Variants in ZNF677 observed in about 807,000 individuals in gnomAD.
ZNF677 encodes the protein hypothetical protein MGC48625.
Under a neutral mutation model 8.1 loss-of-function variants are expected in ZNF677, and 5 were observed. The ratio of observed to expected loss-of-function variants is 0.62; its 90% CI spans 0.32 to 1.29. ZNF677 has a LOEUF of 1.29. Ranked by LOEUF, ZNF677 falls within the 50% of genes most tolerant of loss-of-function variation. The probability of loss-of-function intolerance (pLI) is 0.05; values close to 1 mark genes in which losing one functional copy is unlikely to be tolerated. For missense variants in ZNF677, 685 were observed against 685.9 expected (o/e 1.00, Z 0.01); for synonymous variants, 221 against 225.6 (o/e 0.98, Z 0.18).
Position 53,251,753 on chromosome 19 carries a change from T to G in ZNF677, c.-55-148A>C, listed in dbSNP as rs1455601752. The stretch of plus-strand genomic sequence containing the variant: ...AGTGAAAATAAACTCATGAAAAAAA[T>G]TAACTCCTAAACAGAGACTAAGGAG... On this transcript the variant is annotated intron_variant, in intron 2 of 4. Coordinates refer to ENST00000598513, the MANE Select transcript of ZNF677 (RefSeq NM_182609.4). 3 of 596,876 alleles carry G rather than the reference T, an allele frequency of 5.0e-6. No individual in the cohort carries two copies. In the African/African-American group the frequency reaches 5.7e-5, roughly 11 times the overall value. The allele number at this position is 596,876 out of a possible 1,614,324, so 37.0% of individuals were successfully genotyped here.
chr19:53,249,501 A>T (rs906149607), intron 3 of ZNF677: 2 of 152,222 alleles, frequency 1.3e-5, no homozygotes, highest in Non-Finnish European at 2.9e-5. Flanking sequence ...CAAAACAAAG[A>T]CATACAGTAT....
chr19:53,238,725 A>G (rs1033721441), intron 4 of ZNF677, 168 bp from the exon 5 acceptor site: 3 of 546,166 alleles, frequency 5.5e-6, no homozygotes, highest in Admixed American at 3.8e-5. Flanking sequence ...GCTGTCCTCA[A>G]TAAAGTAACA....
Position 53,236,958 on chromosome 19 carries a change from T to C in ZNF677, c.*14A>G. ...CGTTTTATATGGTTTCTTTTCACAA[T>C]GGAGCCCCTGATGCTAGGTACAGCT... On this transcript the variant is annotated 3_prime_UTR_variant, in exon 5 of 5. Transcript: ENST00000598513. The C allele has an allele frequency of 3.3e-6, 5 of 1,525,030 alleles. No individual in the cohort carries two copies. Among genetic ancestry groups the C allele is most frequent in the Non-Finnish European group, 4.4e-6 (5 of 1,143,716 alleles). The allele number at this position is 1,525,030 out of a possible 1,614,324, so 94.5% of individuals were successfully genotyped here. A position where few individuals can be genotyped will look rare whatever the true frequency, so the allele number is the denominator to read the frequency against.
At chr19:53,246,374 T>C (rs373638660) in intron 3 of ZNF677, among the ~76,000 whole-genome samples, 4 of 151,336 alleles carry the variant, frequency 2.6e-5, no homozygotes, top group African/African-American at 9.7e-5. Flanking sequence ...TCCAAAAGAA[T>C]TAAAATCAGG....
At chr19:53,242,794 A>T (rs2091074510) in intron 4 of ZNF677, 1 of 172,764 alleles carries the variant, frequency 5.8e-6, no homozygotes, top group Non-Finnish European at 1.2e-5. Flanking sequence ...CACACATCAG[A>T]TGAAATTATA....
In ZNF677 at chr19:53,247,541, T is replaced by C. The variant is rs540307859; in HGVS notation, c.16-3644A>G. ...GTGTTGCTCAAGCCCTTTATTTCCT[T>C]ACTAATCTTCTGTCTGGCTGTTCTA... is the stretch of plus-strand genomic sequence containing the variant. On this transcript the variant is annotated intron_variant, in intron 3 of 4. Coordinates refer to ENST00000598513, the MANE Select transcript of ZNF677 (RefSeq NM_182609.4). Among the ~76,000 whole-genome samples the C allele has an allele frequency of 2.9e-3, 436 of 152,350 alleles. 5 individuals carry two copies. Among genetic ancestry groups the C allele is most frequent in the African/African-American group, 0.01 (422 of 41,582 alleles).
rs1231211003 is a variant in ZNF677 at position 53,237,459 on chromosome 19, T to C, written c.1268A>G (p.Asn423Ser). ...GTGTGGTTTCTCTCCAGGATGTATA[T>C]TCTGATGCCTAGTGAGATGTGAGCA... Reference protein sequence around the residue: ...KQCSHLTRHQNIHPGEKPHKC... With the variant: ...KQCSHLTRHQSIHPGEKPHKC... The change falls in exon 5 of 5, where the codon AAT (asparagine) becomes AGT (serine). Residue 423 changes from asparagine to serine, a missense_variant. Coordinates refer to ENST00000598513, the MANE Select transcript of ZNF677 (RefSeq NM_182609.4). The C allele has an allele frequency of 6.2e-7, 1 of 1,613,984 alleles. No homozygotes were observed. Among genetic ancestry groups the C allele is most frequent in the Non-Finnish European group, 8.5e-7 (1 of 1,179,962 alleles).
At chr19:53,246,928 A>G (rs1415444002) in intron 3 of ZNF677, among the ~76,000 whole-genome samples, 2 of 152,290 alleles carry the variant, frequency 1.3e-5, no homozygotes, top group East Asian at 1.9e-4. Context: ...GAGGCAATGG[A>G]TATGTTTATG....
Position 53,237,428 on chromosome 19 carries a change from AC to A in ZNF677, c.1298del (p.Cys433LeufsTer180), listed in dbSNP as rs1437921295. ...GGATAAAAGCCCTGCCACACACATT[AC>A]ATTTGTGTGGTTTCTCTCCAGGATG... is the stretch of plus-strand genomic sequence containing the variant. The part of the protein sequence containing the change: ...NIHPGEKPHK[C>X]NVCGRAFIQS... On this transcript the variant is annotated frameshift_variant, in exon 5 of 5. Transcript: ENST00000598513. LOFTEE classifies it low-confidence loss of function (END_TRUNC). 2 of 1,613,996 alleles carry A rather than the reference AC, an allele frequency of 1.2e-6. No individual in the cohort carries two copies. Among genetic ancestry groups the A allele is most frequent in the Middle Eastern group, 3.3e-4 (2 of 6,060 alleles).
chr19:53,238,655 A>G (rs951250201), intron 4 of ZNF677, 98 bp from the exon 5 acceptor site: 3 of 1,178,614 alleles, frequency 2.5e-6, no homozygotes, highest in Non-Finnish European at 3.5e-6. Context: ...AAGATTTACA[A>G]TGAACAGAGT....
chr19:53,238,226 C>T lies in ZNF677; in HGVS notation c.501G>A (p.Arg167=), dbSNP rs748295578. 1 of 1,613,940 alleles carries T rather than the reference C, an allele frequency of 6.2e-7. No homozygotes were observed. The highest frequency in any genetic ancestry group is 2.2e-5 in the East Asian group (1 of 44,864). Residue 167 remains arginine (R), a synonymous_variant, in exon 5 of 5, where the codon AGG becomes AGA. Coordinates refer to ENST00000598513, the MANE Select transcript of ZNF677 (RefSeq NM_182609.4). Reference sequence around the variant, plus strand: ...TGTTATTTTTCAGTTTTAACAAATTCCTTATAAATGGCTTGTCATGGATGA... The same window carrying T: ...TGTTATTTTTCAGTTTTAACAAATTTCTTATAAATGGCTTGTCATGGATGA... ...QYFIHDKPFI[R]NLLKLKNNIR...
Position 53,237,560 on chromosome 19 carries a change from G to C in ZNF677, c.1167C>G (p.Ser389Arg). The change falls in exon 5 of 5, where the codon AGC becomes AGG. Residue 389 changes from serine to arginine, a missense_variant. By Grantham distance (110) the Ser-to-Arg change is moderately radical. Transcript: ENST00000598513. The stretch of plus-strand genomic sequence containing the variant: ...TATGGATTCTCTTATGTTGGGTAAG[G>C]CTTGAACGTTCAGCAAAGGCTTTGT... ...ECDKAFAERS[S>R]LTQHKRIHTG... 1 of 1,612,482 alleles carries C rather than the reference G, an allele frequency of 6.2e-7. No individual in the cohort carries two copies. Among genetic ancestry groups the C allele is most frequent in the Non-Finnish European group, 8.5e-7 (1 of 1,179,616 alleles).
intron 2 of ZNF677, among the ~76,000 whole-genome samples, chr19:53,252,615 T>C (rs2091252858): frequency 6.6e-6 from 1 of 152,204 alleles, no homozygotes; most frequent in South Asian, 2.1e-4. Context: ...TAGCTATTAC[T>C]CTTGGAAAGC....
chr19:53,251,476 C>T (rs2091232399), intron 3 of ZNF677, 60 bp downstream of exon 3: 3 of 1,484,524 alleles, frequency 2.0e-6, no homozygotes, highest in South Asian at 2.3e-5. Flanking sequence ...TTAGCAAGTC[C>T]AAAATATGGC....
At position 53,237,225 on chromosome 19, in the gene ZNF677, T is replaced by C. The variant is rs141706602; in HGVS notation, c.1502A>G (p.Asn501Ser). ...ECGKAFTERSNLTQHKKIHTG... is the reference protein window; with the variant it reads ...ECGKAFTERSSLTQHKKIHTG... ...ATGGATTTTCTTATGCTGAGTAAGA[T>C]TTGAACGTTCAGTAAAGGCTTTGCC... Residue 501 changes from asparagine to serine, a missense_variant, in exon 5 of 5, where the codon AAT becomes AGT. By Grantham distance (46) the Asn-to-Ser change is conservative (BLOSUM62 1). Coordinates refer to ENST00000598513, the MANE Select transcript of ZNF677 (RefSeq NM_182609.4). The C allele has an allele frequency of 0.014, 23,160 of 1,613,234 alleles. 223 individuals carry two copies. The highest frequency in any genetic ancestry group is 0.017 in the Non-Finnish European group (20,483 of 1,179,504).
At chr19:53,246,598 T>C (rs191110706) in intron 3 of ZNF677, among the ~76,000 whole-genome samples, 120 of 151,514 alleles carry the variant, frequency 7.9e-4, no homozygotes, top group African/African-American at 2.7e-3. Context: ...ACTACCTGAA[T>C]GAAAATGGAG....
chr19:53,240,413 A>C (rs777449809), intron 4 of ZNF677: 5 of 151,502 alleles, frequency 3.3e-5, no homozygotes, highest in Non-Finnish European at 7.4e-5. Context: ...CGCCCGGCTT[A>C]TTTTCTGTAT....
intron 4 of ZNF677, chr19:53,242,618 G>A (rs917431327): frequency 1.5e-5 from 6 of 390,142 alleles, no homozygotes; most frequent in African/African-American, 4.1e-5. Flanking sequence ...TAGAGAGACC[G>A]ACAGTCTTTC....
At chr19:53,239,656 C>T (rs1191257282) in intron 4 of ZNF677, 1 of 145,126 alleles carries the variant, frequency 6.9e-6, no homozygotes, top group Non-Finnish European at 1.5e-5. Context: ...AGGCAAAGGT[C>T]AATCTCATAA....
Sources: gnomAD v4.1 joint callset for allele counts (sites outside exome capture counted in the v4.1 genomes callset) on GRCh38, gnomAD v4.1.1 for gene constraint, MANE v1.5 for transcripts, NCBI Gene and HGNC (gene_info 2026-07-23, HGNC 2026-07-21) for gene names.